BTBD8: variants seen among roughly 807,000 people sequenced by gnomAD.
BTBD8 encodes the protein BTB/POZ domain-containing protein 8.
BTBD8 carries 110 observed loss-of-function variants against 162.9 expected under a neutral mutation model. That is an observed-to-expected ratio of 0.68 (90% CI 0.58 to 0.79). BTBD8 has a LOEUF of 0.79. Ranked by LOEUF, BTBD8 falls within the 30% of genes least tolerant of loss-of-function variation. The pLI is 0.00. For synonymous variants in BTBD8, 667 were observed against 716.1 expected (o/e 0.93, Z 1.10); for missense variants, 1,905 against 2,085.4 (o/e 0.91, Z 1.68).
intron 1 of BTBD8, 22 bp from the exon 2 acceptor site, chr1:92,088,676 G>T: frequency 1.3e-6 from 2 of 1,497,740 alleles, no homozygotes; most frequent in South Asian, 1.4e-5. Flanking sequence ...ATTAAACTAT[G>T]ATTCCTTTTT....
At chr1:92,119,186 A>C (rs1159909903) in intron 4 of BTBD8, among the ~76,000 whole-genome samples, 1 of 151,462 alleles carries the variant, frequency 6.6e-6, no homozygotes, top group Admixed American at 6.6e-5. Flanking sequence ...GTAACTTTTC[A>C]TTTTATAAAC....
intron 9 of BTBD8, among the ~76,000 whole-genome samples, chr1:92,165,568 G>C: frequency 6.6e-6 from 1 of 151,560 alleles, no homozygotes; most frequent in East Asian, 1.9e-4. Context: ...AGGTATTTCA[G>C]TCATTTCCAG....
intron 4 of BTBD8, 45 bp downstream of exon 4, chr1:92,108,046 G>C (rs752569392): frequency 6.6e-7 from 1 of 1,524,248 alleles, no homozygotes; most frequent in Non-Finnish European, 9.1e-7. Context: ...TGGCTGTAGA[G>C]TGTGGAAGGG....
At position 92,181,240 on chromosome 1, in the gene BTBD8, A is replaced by T. The variant is rs376760219; in HGVS notation, c.3557A>T (p.Asp1186Val). The T allele has an allele frequency of 1.9e-6, 3 of 1,551,762 alleles. No homozygotes were observed. Among genetic ancestry groups the T allele is most frequent in the Middle Eastern group, 1.7e-4 (1 of 5,992 alleles). The change falls in exon 17 of 18, where the codon GAT (aspartate) becomes GTT (valine). Residue 1186 changes from aspartate (D) to valine (V), a missense_variant. This residue lies in a region of BTBD8 where 1,374 missense variants were observed against 1,442.7 expected (regional missense o/e 0.95). Coordinates refer to ENST00000636805, the MANE Select transcript of BTBD8 (RefSeq NM_001376131.1). The part of the protein sequence containing the change: ...PSKLSDESAM[D>V]EDKHATADSD... ...AAGTTGTCAGATGAATCTGCTATGG[A>T]TGAAGACAAACATGCTACAGCAGAC...
At chr1:92,110,305 T>C (rs556019908) in intron 4 of BTBD8, among the ~76,000 whole-genome samples, 1 of 152,332 alleles carries the variant, frequency 6.6e-6, no homozygotes, top group South Asian at 2.1e-4. Context: ...CCACCATTAT[T>C]AGCTGTGTGA....
chr1:92,177,579 C>G (rs1650759179), intron 14 of BTBD8, 33 bp downstream of exon 14: 2 of 1,366,970 alleles, frequency 1.5e-6, no homozygotes, highest in Non-Finnish European at 2.0e-6. Flanking sequence ...TTAATATCTC[C>G]TGACAGTTAA....
At chr1:92,145,373 G>A (rs1649887043) in intron 7 of BTBD8, among the ~76,000 whole-genome samples, 1 of 152,146 alleles carries the variant, frequency 6.6e-6, no homozygotes, top group South Asian at 2.1e-4. Flanking sequence ...GACCTTACCA[G>A]AAGGACTATG....
At chr1:92,146,024 C>CT (rs1403220024) in intron 7 of BTBD8, among the ~76,000 whole-genome samples, 1 of 151,660 alleles carries the variant, frequency 6.6e-6, no homozygotes, top group Non-Finnish European at 1.5e-5. Context: ...TAATTAAATT[C>CT]TTCTTATCTG....
At position 92,168,859 on chromosome 1, in the gene BTBD8, A is replaced by C; in HGVS notation, c.1444-7A>C. ...TCACCAGCTGCTGATTTGTTGCTTG[A>C]ACACAGGGTTTTACGTGCAAGATCC... On this transcript the variant is annotated splice_polypyrimidine_tract_variant and splice_region_variant and intron_variant, in intron 11 of 17. Transcript: ENST00000636805. The C allele has an allele frequency of 6.6e-7, 1 of 1,504,964 alleles. No homozygotes were observed. Among genetic ancestry groups the C allele is most frequent in the Non-Finnish European group, 9.0e-7 (1 of 1,111,784 alleles). 93.2% of individuals were successfully genotyped at this position (1,504,964 alleles called of 1,614,324 possible). A position where few individuals can be genotyped will look rare whatever the true frequency, so the allele number is the denominator to read the frequency against.
intron 11 of BTBD8, among the ~76,000 whole-genome samples, chr1:92,168,519 G>A (rs938396455): frequency 1.6e-4 from 25 of 151,934 alleles, no homozygotes; most frequent in Admixed American, 6.6e-5. Context: ...GTATTTGTTC[G>A]ACAAGAATGG....
At chr1:92,172,778 G>C (rs1219541520) in intron 13 of BTBD8, among the ~76,000 whole-genome samples, 2 of 152,176 alleles carry the variant, frequency 1.3e-5, no homozygotes, top group African/African-American at 4.8e-5. Flanking sequence ...TTGAGGAAGA[G>C]GTCAAGCTCC....
chr1:92,080,525 A>C lies in BTBD8; in HGVS notation c.-47A>C. ...CCCCTTCTTCCTCCTGGGCGGGGCA[A>C]GTGAGGCCAAGTACTGGGCCTCCAG... On this transcript the variant is annotated 5_prime_UTR_variant, in exon 1 of 18. Transcript: ENST00000636805. 2 of 1,601,964 alleles carry C rather than the reference A, an allele frequency of 1.2e-6. No homozygotes were observed. The highest frequency in any genetic ancestry group is 1.8e-5 in the Admixed American group (1 of 56,508).
chr1:92,119,147 CTA>C (rs925907446), intron 4 of BTBD8, among the ~76,000 whole-genome samples: 1 of 151,826 alleles, frequency 6.6e-6, no homozygotes, highest in African/African-American at 2.4e-5. Flanking sequence ...TTTTAAAAAA[CTA>C]TCTTCAATAA....
chr1:92,115,185 A>T (rs952820217), intron 4 of BTBD8: 11 of 535,986 alleles, frequency 2.1e-5, no homozygotes, highest in Non-Finnish European at 4.1e-5. Context: ...AGATAGATGC[A>T]GGGATGATGT....
chr1:92,164,349 A>G (rs896169872), intron 9 of BTBD8, among the ~76,000 whole-genome samples: 7 of 151,776 alleles, frequency 4.6e-5, no homozygotes, highest in African/African-American at 9.7e-5. Flanking sequence ...TGGGCGTGGT[A>G]GCTCACACCT....
rs756527280 is a variant in BTBD8, at chr1:92,088,783, A to G, written c.235A>G (p.Arg79Gly). 1.2e-6 allele frequency: 2 copies of G among 1,613,346 alleles called. No individual in the cohort carries two copies. The highest frequency in any genetic ancestry group is 1.7e-6 in the Non-Finnish European group (2 of 1,179,530). ...AGCACACAAAGCAGTCCTTTTAGCA[A>G]GAGTTCCTGACTTCTATTTTCATAC... is the stretch of plus-strand genomic sequence containing the variant. ...FKAHKAVLLA[R>G]VPDFYFHTIG... is the part of the protein sequence containing the mutation. The change falls in exon 2 of 18, where the codon AGA becomes GGA. Residue 79 changes from arginine to glycine, a missense_variant. Around this residue, in one of 3 missense-constraint regions of BTBD8, gnomAD observed 1,374 missense variants for 1,442.7 expected, o/e 0.95. Transcript: ENST00000636805.
At position 92,168,936 on chromosome 1, in the gene BTBD8, T is replaced by G; in HGVS notation, c.1514T>G (p.Val505Gly). 1 of 1,544,224 alleles carries G rather than the reference T, an allele frequency of 6.5e-7. No homozygotes were observed. Among genetic ancestry groups the G allele is most frequent in the Non-Finnish European group, 8.8e-7 (1 of 1,141,424 alleles). Residue 505 changes from valine to glycine, a missense_variant, in exon 12 of 18, where the codon GTT becomes GGT. Coordinates refer to ENST00000636805, the MANE Select transcript of BTBD8 (RefSeq NM_001376131.1). The part of the protein sequence containing the change: ...WIFLVQSFYA[V>G]RHTESWKLMS... ...TTCCTGGTTCAGTCTTTCTATGCTGTTCGTCACACAGAAAGCTGGAAGCTG... is the reference window on the plus strand; with the variant it reads ...TTCCTGGTTCAGTCTTTCTATGCTGGTCGTCACACAGAAAGCTGGAAGCTG...
intron 1 of BTBD8, among the ~76,000 whole-genome samples, chr1:92,086,238 T>A (rs1648156139): frequency 6.6e-6 from 1 of 152,120 alleles, no homozygotes; most frequent in African/African-American, 2.4e-5. Flanking sequence ...TTTAATGCCC[T>A]GGGCTTATAT....
intron 4 of BTBD8, chr1:92,115,551 AT>A: frequency 2.7e-6 from 1 of 373,298 alleles, no homozygotes; most frequent in Non-Finnish European, 5.2e-6. Flanking sequence ...ATCCTGTTTG[AT>A]TTTGGTGGGA....
Sources: gnomAD v4.1 joint callset for allele counts (sites outside exome capture counted in the v4.1 genomes callset) on GRCh38, gnomAD v4.1.1 for gene constraint, gnomAD v4.1.1 regional missense constraint, MANE v1.5 for transcripts, NCBI Gene and HGNC (gene_info 2026-07-23, HGNC 2026-07-21) for gene names.